MAGI2: variants seen among roughly 807,000 people sequenced by gnomAD.
MAGI2 encodes membrane-associated guanylate kinase, WW and PDZ domain-containing protein 2.
MAGI2 carries 35 observed loss-of-function variants against 133.3 expected under a neutral mutation model. The observed-to-expected ratio is 0.26, with a 90% confidence interval of 0.20 to 0.35. The LOEUF is 0.35. Ranked by LOEUF, MAGI2 falls within the 10% of genes least tolerant of loss-of-function variation. The pLI, the probability that MAGI2 is intolerant of heterozygous loss-of-function variation, is 1.00. For synonymous variants in MAGI2, 729 were observed against 710.6 expected (o/e 1.03, Z -0.41); for missense variants, 1,636 against 1,863.4 (o/e 0.88, Z 2.25).
intron 10 of MAGI2, among the ~76,000 whole-genome samples, chr7:78,217,395 G>T (rs939137063): frequency 6.6e-5 from 10 of 152,050 alleles, no homozygotes; most frequent in African/African-American, 2.4e-4. Flanking sequence ...GTGTAGGGTA[G>T]GTGCTCAATA....
intron 6 of MAGI2, among the ~76,000 whole-genome samples, chr7:78,420,274 G>T (rs576015964): frequency 6.6e-6 from 1 of 152,266 alleles, no homozygotes; most frequent in African/African-American, 2.4e-5. Flanking sequence ...CACACCAACT[G>T]TTCTTGGCAG....
chr7:79,087,215 A>G (rs1050016003), intron 1 of MAGI2, among the ~76,000 whole-genome samples: 2 of 151,930 alleles, frequency 1.3e-5, no homozygotes, highest in African/African-American at 2.4e-5. Context: ...CAGAATATTC[A>G]AGAGTGAAAG....
chr7:78,815,880 G>A (rs887253582), intron 2 of MAGI2, among the ~76,000 whole-genome samples: 6 of 152,120 alleles, frequency 3.9e-5, no homozygotes, highest in African/African-American at 1.4e-4. Context: ...TACAATGGCT[G>A]CAAAGTATTC....
chr7:78,776,154 C>T (rs1825971349), intron 2 of MAGI2, among the ~76,000 whole-genome samples: 1 of 152,208 alleles, frequency 6.6e-6, no homozygotes, highest in Non-Finnish European at 1.5e-5. Context: ...ATTATGTTCT[C>T]ATTAAGTGTT....
At chr7:78,593,561 A>C (rs1426778220) in intron 3 of MAGI2, among the ~76,000 whole-genome samples, 1 of 152,140 alleles carries the variant, frequency 6.6e-6, no homozygotes, top group Admixed American at 6.5e-5. Context: ...TTAGAAGTAG[A>C]ATATTTTGTT....
intron 9 of MAGI2, among the ~76,000 whole-genome samples, chr7:78,267,675 G>C (rs574465424): frequency 3.9e-5 from 6 of 152,246 alleles, no homozygotes; most frequent in African/African-American, 1.2e-4. Flanking sequence ...TGAAGAGAAA[G>C]GGAAAGCAAT....
intron 1 of MAGI2, among the ~76,000 whole-genome samples, chr7:79,014,860 CCTCT>C (rs911710044): frequency 3.3e-5 from 5 of 151,984 alleles, no homozygotes; most frequent in African/African-American, 1.2e-4. Flanking sequence ...TGGTTTATTG[CCTCT>C]CTAACTTCAC....
At chr7:78,739,326 C>A (rs901941785) in intron 2 of MAGI2, among the ~76,000 whole-genome samples, 16 of 152,050 alleles carry the variant, frequency 1.1e-4, no homozygotes, top group Non-Finnish European at 1.6e-4. Context: ...GTTGGGGTTG[C>A]GGGTAGGTAG....
In MAGI2 at chr7:78,501,710, T is replaced by C. The variant is rs770961303; in HGVS notation, c.832A>G (p.Ser278Gly). The C allele has an allele frequency of 6.2e-7, 1 of 1,614,138 alleles. No individual in the cohort carries two copies. The highest frequency in any genetic ancestry group is 8.5e-7 in the Non-Finnish European group (1 of 1,180,006). ...TGCTCCTTCAGCTCCTCAGGCTGAC[T>C]GTACACTGGTGCAGGATAAGGCTGG... is the stretch of plus-strand genomic sequence containing the variant. ...PSQPYPAPVY[S>G]QPEELKEQMD... Residue 278 changes from serine to glycine, a missense_variant, in exon 5 of 22, where the codon AGT becomes GGT. Coordinates refer to ENST00000354212, the MANE Select transcript of MAGI2 (RefSeq NM_012301.4).
At chr7:78,097,211 G>T (rs7810769) in intron 20 of MAGI2, among the ~76,000 whole-genome samples, 2,190 of 152,228 alleles carry the variant, frequency 0.014, 56 homozygotes, top group African/African-American at 0.05. Flanking sequence ...ATACACTATT[G>T]GTGGAAGTGT....
chr7:78,125,184 C>A (rs1361956928), intron 20 of MAGI2, among the ~76,000 whole-genome samples: 1 of 152,058 alleles, frequency 6.6e-6, no homozygotes, highest in African/African-American at 2.4e-5. Flanking sequence ...TTTTTAAGAA[C>A]AACCTGTATC....
At position 78,345,994 on chromosome 7, in the gene MAGI2, T is replaced by G. The variant is rs967276818; in HGVS notation, c.1153A>C (p.Arg385=). 3 of 1,614,226 alleles carry G rather than the reference T, an allele frequency of 1.9e-6. No individual in the cohort carries two copies. Among genetic ancestry groups the G allele is most frequent in the Non-Finnish European group, 2.5e-6 (3 of 1,180,018 alleles). ...GGCATGTTATGTTGCTGTAGCTTCCTTTTTGCTTCCAGGACAGGATTTTCA... is the reference window on the plus strand; with the variant it reads ...GGCATGTTATGTTGCTGTAGCTTCCGTTTTGCTTCCAGGACAGGATTTTCA... ...QFENPVLEAK[R]KLQQHNMPHT... The change falls in exon 8 of 22, where the codon AGG becomes CGG. Residue 385 remains arginine (R), a synonymous_variant. Transcript: ENST00000354212.
intron 6 of MAGI2, among the ~76,000 whole-genome samples, chr7:78,464,962 T>C (rs922637326): frequency 2.6e-5 from 4 of 152,180 alleles, no homozygotes; most frequent in African/African-American, 9.7e-5. Context: ...AATACTATCA[T>C]AGTGCGTATT....
chr7:79,084,830 T>G (rs1386284529), intron 1 of MAGI2, among the ~76,000 whole-genome samples: 1 of 151,804 alleles, frequency 6.6e-6, no homozygotes, highest in Non-Finnish European at 1.5e-5. Flanking sequence ...TAGTGTTGAA[T>G]TTTTTAATTT....
intron 13 of MAGI2, among the ~76,000 whole-genome samples, chr7:78,181,517 G>T (rs1457207703): frequency 6.6e-6 from 1 of 152,320 alleles, no homozygotes; most frequent in South Asian, 2.1e-4. Context: ...TGGTTGTAAA[G>T]AAATGGACTA....
chr7:79,156,873 A>T (rs1467733337), intron 1 of MAGI2, among the ~76,000 whole-genome samples: 2 of 152,072 alleles, frequency 1.3e-5, no homozygotes, highest in Admixed American at 1.3e-4. Flanking sequence ...GAAGTCTCAG[A>T]ACCCCAAAGA....
intron 1 of MAGI2, among the ~76,000 whole-genome samples, chr7:79,017,301 C>G (rs1387670928): frequency 6.6e-6 from 1 of 152,192 alleles, no homozygotes; most frequent in Non-Finnish European, 1.5e-5. Flanking sequence ...AGAGTTAGAG[C>G]ACACAGTTCA....
At chr7:78,360,289 A>G (rs1289522275) in intron 7 of MAGI2, among the ~76,000 whole-genome samples, 2 of 152,178 alleles carry the variant, frequency 1.3e-5, no homozygotes, top group African/African-American at 2.4e-5. Flanking sequence ...CTTTAATTCC[A>G]GAAAGAATTA....
chr7:78,608,335 G>A (rs1433162648), intron 3 of MAGI2, among the ~76,000 whole-genome samples: 1 of 151,934 alleles, frequency 6.6e-6, no homozygotes, highest in African/African-American at 2.4e-5. Flanking sequence ...CTGGCTTTGA[G>A]ATCATTTGCT....
Sources: gnomAD v4.1 joint callset for allele counts (sites outside exome capture counted in the v4.1 genomes callset) on GRCh38, gnomAD v4.1.1 for gene constraint, MANE v1.5 for transcripts, NCBI Gene and HGNC (gene_info 2026-07-23, HGNC 2026-07-21) for gene names.